The following ARL14EPL variants were observed in gnomAD, a reference collection of about 807,000 sequenced individuals.
The protein encoded by ARL14EPL is ARL14 effector protein-like.
ARL14EPL carries 17 observed loss-of-function variants against 15.9 expected under a neutral mutation model. That is an observed-to-expected ratio of 1.07 (90% CI 0.73 to 1.60). The LOEUF (loss-of-function observed/expected upper bound fraction) is 1.60. Ranked by LOEUF, ARL14EPL falls within the 40% of genes most tolerant of loss-of-function variation. The pLI is 0.00. For synonymous variants in ARL14EPL, 78 were observed against 63.8 expected (o/e 1.22, Z -1.06); for missense variants, 214 against 185.9 (o/e 1.15, Z -0.88).
At chr5:116,051,930 C>T (rs2112678003) in intron 2 of ARL14EPL, 1 of 1,599,458 alleles carries the variant, frequency 6.3e-7, no homozygotes, top group South Asian at 1.1e-5. Context: ...TCACCAGCAG[C>T]TGGAGCATCT....
At chr5:116,033,920 G>A (rs1749002515) in intron 1 of ARL14EPL, among the ~76,000 whole-genome samples, 3 of 152,148 alleles carry the variant, frequency 2.0e-5, no homozygotes, top group Admixed American at 1.3e-4. Flanking sequence ...TGATTGCCAT[G>A]GAAAAGAAAT....
chr5:116,050,248 A>T (rs1749344294), intron 1 of ARL14EPL, among the ~76,000 whole-genome samples: 1 of 152,180 alleles, frequency 6.6e-6, no homozygotes, highest in African/African-American at 2.4e-5. Context: ...TTTTCAACCC[A>T]TTTACCCTCA....
chr5:116,044,284 C>T (rs1229770848), intron 1 of ARL14EPL, among the ~76,000 whole-genome samples: 2 of 152,038 alleles, frequency 1.3e-5, no homozygotes, highest in Admixed American at 1.3e-4. Context: ...TATTAACCTG[C>T]CAGTGAAGTG....
At chr5:116,045,400 CT>C (rs556022346) in intron 1 of ARL14EPL, among the ~76,000 whole-genome samples, 1 of 152,100 alleles carries the variant, frequency 6.6e-6, no homozygotes, top group Non-Finnish European at 1.5e-5. Flanking sequence ...AGTTTTCATC[CT>C]TTTCCACTCT....
intron 1 of ARL14EPL, among the ~76,000 whole-genome samples, chr5:116,042,312 C>T (rs1749175127): frequency 1.3e-5 from 2 of 152,114 alleles, no homozygotes; most frequent in Non-Finnish European, 2.9e-5. Flanking sequence ...TCTTATTTGC[C>T]CTTTTATCAT....
intron 1 of ARL14EPL, chr5:116,051,194 G>C (rs760572916): frequency 5.9e-6 from 2 of 336,276 alleles, no homozygotes; most frequent in Non-Finnish European, 1.1e-5. Context: ...TCCTGCTTAA[G>C]AGAGGTTTAT....
intron 3 of ARL14EPL, 97 bp from the exon 4 acceptor site, chr5:116,058,627 TA>T: frequency 1.7e-6 from 2 of 1,178,328 alleles, no homozygotes; most frequent in Non-Finnish European, 1.2e-6. Flanking sequence ...TGGGTCAGGG[TA>T]AAATGGTCAT....
rs143110452 is a variant in ARL14EPL at position 116,050,363 on chromosome 5, G to A, written c.-9-1094G>A. On this transcript the variant is annotated intron_variant, in intron 1 of 3. Coordinates refer to ENST00000686077, the MANE Select transcript of ARL14EPL (RefSeq NM_001195581.2). ...ATGCAGTATTTGGTTTTCGTTTTCT[G>A]TATTTGTTCACTTCAGATAATGGCT... Among the ~76,000 whole-genome samples the A allele has an allele frequency of 6.6e-5, 10 of 152,280 alleles. No homozygotes were observed. In the East Asian group the frequency reaches 1.9e-3, roughly 29 times the overall value.
chr5:116,046,165 C>G (rs924692300), intron 1 of ARL14EPL, among the ~76,000 whole-genome samples: 4 of 152,090 alleles, frequency 2.6e-5, no homozygotes, highest in African/African-American at 9.7e-5. Context: ...ACTCTCTTGT[C>G]TTGTATATAT....
intron 1 of ARL14EPL, among the ~76,000 whole-genome samples, chr5:116,037,269 C>A (rs1320226689): frequency 1.3e-5 from 2 of 152,166 alleles, no homozygotes; most frequent in Admixed American, 1.3e-4. Flanking sequence ...ATGTTTGAAA[C>A]ACATGGACTA....
At chr5:116,053,923 T>C (rs1290560799) in intron 2 of ARL14EPL, 91 bp from the exon 3 acceptor site, 1 of 1,096,534 alleles carries the variant, frequency 9.1e-7, no homozygotes, top group Non-Finnish European at 1.3e-6. Flanking sequence ...CATGCCTTTA[T>C]GGTGAAAGTT....
intron 1 of ARL14EPL, among the ~76,000 whole-genome samples, chr5:116,035,918 G>A (rs144343326): frequency 2.0e-5 from 3 of 152,344 alleles, no homozygotes; most frequent in African/African-American, 7.2e-5. Context: ...TTGCTGGGGT[G>A]ATACCGACGG....
chr5:116,052,702 T>C (rs1749415913), intron 2 of ARL14EPL, among the ~76,000 whole-genome samples: 1 of 152,226 alleles, frequency 6.6e-6, no homozygotes, highest in African/African-American at 2.4e-5. Context: ...TACACCAAGA[T>C]GAAATTTAAA....
intron 1 of ARL14EPL, among the ~76,000 whole-genome samples, chr5:116,043,528 T>G (rs866420230): frequency 1.4e-4 from 22 of 152,304 alleles, no homozygotes; most frequent in South Asian, 1.0e-3. Flanking sequence ...AAAAGGAAAT[T>G]ATCTTTTAAA....
rs144482399 is a variant in ARL14EPL, at chr5:116,051,836, C to G, written c.96+275C>G. ...GCTTTTTGTGGAGAATATATACAAA[C>G]GTTTTTATTTTTATTTTTATTTTTT... On this transcript the variant is annotated intron_variant, in intron 2 of 3. Transcript: ENST00000686077. 4.2e-4 allele frequency: 439 copies of G among 1,043,346 alleles called. 3 individuals are homozygous for G. In the African/African-American group the frequency reaches 6.5e-3, roughly 16 times the overall value. 64.6% of individuals were successfully genotyped at this position (1,043,346 alleles called of 1,614,324 possible).
At chr5:116,046,896 T>G (rs1749277611) in intron 1 of ARL14EPL, among the ~76,000 whole-genome samples, 2 of 152,074 alleles carry the variant, frequency 1.3e-5, no homozygotes, top group Non-Finnish European at 2.9e-5. Context: ...TTAAATGAGG[T>G]CCTAGGGTGT....
intron 1 of ARL14EPL, among the ~76,000 whole-genome samples, chr5:116,042,182 G>A (rs1000090750): frequency 2.6e-5 from 4 of 152,060 alleles, no homozygotes; most frequent in Admixed American, 2.0e-4. Context: ...TAGTCCCTCC[G>A]CCCGCTCTGC....
chr5:116,057,363 T>A (rs1356708204), intron 3 of ARL14EPL, among the ~76,000 whole-genome samples: 1 of 151,986 alleles, frequency 6.6e-6, no homozygotes, highest in Non-Finnish European at 1.5e-5. Context: ...TTCTTCTTTA[T>A]CTGTGCATGT....
In ARL14EPL at chr5:116,059,097, G is replaced by T. The variant is rs6881110; in HGVS notation, c.*150G>T. 1 of 704,676 alleles carries T rather than the reference G, an allele frequency of 1.4e-6. No homozygotes were observed. Among genetic ancestry groups the T allele is most frequent in the East Asian group, 2.7e-5 (1 of 36,602 alleles). The allele number at this position is 704,676 out of a possible 1,614,324, so 43.7% of individuals were successfully genotyped here. A position where few individuals can be genotyped will look rare whatever the true frequency, so the allele number is the denominator to read the frequency against. On this transcript the variant is annotated 3_prime_UTR_variant, in exon 4 of 4. Transcript: ENST00000686077. ...CAAGCCCCAGAACAATGTAGAATGG[G>T]CAATAATTCTGTAACCTTCTTAACT...
Sources: allele counts gnomAD v4.1 joint callset (sites outside exome capture counted in the v4.1 genomes callset), GRCh38; gene constraint gnomAD v4.1.1; transcripts MANE v1.5; gene names NCBI Gene and HGNC (gene_info 2026-07-23, HGNC 2026-07-21).